Variants in ALPK2 observed in about 807,000 individuals in gnomAD.
ALPK2 encodes the protein alpha kinase 2.
Under a neutral mutation model 163.1 loss-of-function variants are expected in ALPK2, and 127 were observed. The observed-to-expected ratio is 0.78, with a 90% CI of 0.67 to 0.90. The LOEUF (loss-of-function observed/expected upper bound fraction) is 0.90. Among genes scored for constraint, ALPK2 ranks in the 40% least tolerant of loss-of-function variants. The probability of loss-of-function intolerance (pLI) is 0.00; values close to 1 mark genes in which losing one functional copy is unlikely to be tolerated. For missense variants in ALPK2, 2,360 were observed against 2,589.6 expected, an observed-to-expected ratio of 0.91 and a Z score of 1.92; for synonymous variants, 953 against 959.1, an observed-to-expected ratio of 0.99 and a Z score of 0.12.
At chr18:58,483,337 A>G (rs564301908) in intron 12 of ALPK2, among the ~76,000 whole-genome samples, 21 of 152,200 alleles carry the variant, frequency 1.4e-4, no homozygotes, top group African/African-American at 4.6e-4. Flanking sequence ...TTAAAATCCC[A>G]TTGCTGTTAA....
At chr18:58,625,848 G>T (rs977546327) in intron 1 of ALPK2, among the ~76,000 whole-genome samples, 13 of 152,208 alleles carry the variant, frequency 8.5e-5, no homozygotes, top group African/African-American at 2.9e-4. Context: ...CTGTCTCTTC[G>T]AGCTGATGTC....
chr18:58,568,793 G>A (rs766764646), intron 4 of ALPK2, among the ~76,000 whole-genome samples: 2 of 152,218 alleles, frequency 1.3e-5, no homozygotes, highest in Non-Finnish European at 2.9e-5. Context: ...AAGTGAACAG[G>A]AGGATGTATA....
intron 2 of ALPK2, among the ~76,000 whole-genome samples, chr18:58,607,862 G>A (rs2052106768): frequency 6.6e-6 from 1 of 152,180 alleles, no homozygotes; most frequent in African/African-American, 2.4e-5. Flanking sequence ...TAAAGTGAAG[G>A]TATATGTTAA....
intron 11 of ALPK2, 47 bp from the exon 12 acceptor site, chr18:58,498,144 C>T (rs953965269): frequency 5.6e-6 from 9 of 1,602,712 alleles, no homozygotes; most frequent in Non-Finnish European, 7.7e-6. Flanking sequence ...ACTCAGGGCC[C>T]CTCAGGAAGT....
chr18:58,537,046 C>G lies in ALPK2; in HGVS notation c.3141G>C (p.Lys1047Asn). The G allele has an allele frequency of 2.5e-6, 4 of 1,613,904 alleles. No homozygotes were observed. The highest frequency in any genetic ancestry group is 3.4e-6 in the Non-Finnish European group (4 of 1,179,776). The change falls in exon 5 of 13, where the codon AAG (lysine) becomes AAC (asparagine). Residue 1047 changes from lysine to asparagine, a missense_variant. Transcript: ENST00000361673. ...GCACTTGGGAAGGAAATTGGGAAAC[C>G]TTTTCATGGGATGCACGAGGGAACC... ...EERFPRASHE[K>N]VSQFPSQVQL...
intron 5 of ALPK2, among the ~76,000 whole-genome samples, chr18:58,534,557 A>G (rs1012161074): frequency 7.9e-5 from 12 of 152,224 alleles, no homozygotes; most frequent in Non-Finnish European, 1.3e-4. Context: ...GGCGGCCTTT[A>G]TCAGTGGTTC....
chr18:58,575,584 C>A (rs747215975), intron 4 of ALPK2, among the ~76,000 whole-genome samples: 1 of 152,170 alleles, frequency 6.6e-6, no homozygotes, highest in Non-Finnish European at 1.5e-5. Flanking sequence ...GATGATCTTA[C>A]CCTAGTGTGG....
In ALPK2 at chr18:58,481,925, G is replaced by T. The variant is rs375278224; in HGVS notation, c.6411C>A (p.Asn2137Lys). 5.0e-5 allele frequency: 81 copies of T among 1,614,012 alleles called. No homozygotes were observed. The highest frequency in any genetic ancestry group is 1.6e-4 in the Middle Eastern group (1 of 6,084). The change falls in exon 13 of 13, where the codon AAC becomes AAA. Residue 2137 changes from asparagine (N) to lysine (K), a missense_variant. By Grantham distance (94) the Asn-to-Lys change is moderately conservative. Transcript: ENST00000361673. The part of the protein sequence containing the change: ...MLGLKSLQNN[N>K]QKQKQPSIGK... ...CAATGCTCGGCTGCTTCTGTTTCTG[G>T]TTGTTGTTTTGAAGGGATTTCAGTC... is the stretch of plus-strand genomic sequence containing the variant.
chr18:58,498,790 A>G (rs2051415363), intron 11 of ALPK2, among the ~76,000 whole-genome samples: 1 of 152,170 alleles, frequency 6.6e-6, no homozygotes, highest in Non-Finnish European at 1.5e-5. Context: ...GCCATGTAAG[A>G]CGTGCCTTCC....
chr18:58,548,289 G>A (rs1278798122), intron 4 of ALPK2, among the ~76,000 whole-genome samples: 1 of 151,654 alleles, frequency 6.6e-6, no homozygotes, highest in Non-Finnish European at 1.5e-5. Context: ...AAGTCAGCAG[G>A]ATAGTGATAG....
At chr18:58,604,864 C>G (rs1049968845) in intron 3 of ALPK2, among the ~76,000 whole-genome samples, 6 of 152,180 alleles carry the variant, frequency 3.9e-5, no homozygotes, top group African/African-American at 1.4e-4. Context: ...TCTCCTTCTG[C>G]TTTGTATACC....
intron 2 of ALPK2, among the ~76,000 whole-genome samples, chr18:58,610,275 CAAA>C (rs74183283): frequency 4.8e-5 from 3 of 61,890 alleles, no homozygotes; most frequent in Non-Finnish European, 8.9e-5. Flanking sequence ...GACCCTGTCT[CAAA>C]AAAAAAAAAA....
At position 58,524,051 on chromosome 18, in the gene ALPK2, T is replaced by C. The variant is rs544865950; in HGVS notation, c.5513A>G (p.Asn1838Ser). 27 of 1,613,526 alleles carry C rather than the reference T, an allele frequency of 1.7e-5. No individual in the cohort carries two copies. The East Asian group carries it at 5.4e-4, about 32-fold the overall frequency. Residue 1838 changes from asparagine to serine, a missense_variant, in exon 7 of 13, where the codon AAC becomes AGC. Physicochemically the swap from Asn to Ser is conservative, Grantham distance 46 (BLOSUM62 1). Coordinates refer to ENST00000361673, the MANE Select transcript of ALPK2 (RefSeq NM_052947.4). ...CACGATGGCAAAGGAAACAGTGGAG[T>C]TGTCCCCTGCACTGCAATGAGGAAT... ...IAQVQRSAGD[N>S]STVSFAIVQA...
At position 58,579,079 on chromosome 18, in the gene ALPK2, G is replaced by C; in HGVS notation, c.1697C>G (p.Ser566Cys). Residue 566 changes from serine to cysteine, a missense_variant, in exon 4 of 13, where the codon TCT becomes TGT. Ser to Cys is a moderately radical substitution (Grantham distance 112). Transcript: ENST00000361673. ...STTEGTLHLC[S>C]AKESAEPPLT... ...TGGGGGCTCAGCAGATTCTTTGGCA[G>C]AGCAGAGATGAAGGGTACCTTCTGT... 1 of 1,614,234 alleles carries C rather than the reference G, an allele frequency of 6.2e-7. No homozygotes were observed. The highest frequency in any genetic ancestry group is 1.1e-5 in the South Asian group (1 of 91,076).
chr18:58,484,935 G>A, intron 12 of ALPK2, among the ~76,000 whole-genome samples: 1 of 152,192 alleles, frequency 6.6e-6, no homozygotes, highest in East Asian at 1.9e-4. Flanking sequence ...AGACTTTGAA[G>A]CTGAGAGTCA....
chr18:58,510,298 T>G (rs569967076), intron 10 of ALPK2, among the ~76,000 whole-genome samples: 1 of 152,346 alleles, frequency 6.6e-6, no homozygotes, highest in South Asian at 2.1e-4. Context: ...CCTTGTAGTA[T>G]TGTTTGAAGT....
At chr18:58,589,272 A>G (rs1568094717) in intron 3 of ALPK2, among the ~76,000 whole-genome samples, 1 of 152,206 alleles carries the variant, frequency 6.6e-6, no homozygotes, top group Non-Finnish European at 1.5e-5. Context: ...TCTGGGCTCC[A>G]TTTCCAGAGA....
chr18:58,485,031 G>A (rs1157685666), intron 12 of ALPK2, among the ~76,000 whole-genome samples: 6 of 152,150 alleles, frequency 3.9e-5, no homozygotes, highest in East Asian at 1.9e-4. Context: ...AGTACAAAAC[G>A]AAAACAGGCT....
chr18:58,513,046 GGTGTGTTTGTGCATATGGTGAGTGTT>G (rs1391731976), intron 10 of ALPK2, among the ~76,000 whole-genome samples: 1 of 139,896 alleles, frequency 7.1e-6, no homozygotes, highest in Non-Finnish European at 1.6e-5. Context: ...TGTGTGGTGT[GGTGTGTTTGTGCATATGGTGAGTGTT>G]GTGTGTTTGT....
Sources: gnomAD v4.1 joint callset for allele counts (sites outside exome capture counted in the v4.1 genomes callset) on GRCh38, gnomAD v4.1.1 for gene constraint, MANE v1.5 for transcripts, NCBI Gene and HGNC (gene_info 2026-07-23, HGNC 2026-07-21) for gene names.